Variants in DGKB observed in about 807,000 individuals in gnomAD.
DGKB encodes diacylglycerol kinase beta, also known as 90 kDa diacylglycerol kinase.
A neutral mutation model predicts 114.3 loss-of-function variants in DGKB; 67 were observed. The observed-to-expected ratio is 0.59, with a 90% CI of 0.48 to 0.72. The LOEUF (loss-of-function observed/expected upper bound fraction) is 0.72, where lower values mean the gene tolerates loss of function less well. Ranked by LOEUF, DGKB falls within the 30% of genes least tolerant of loss-of-function variation. DGKB has a pLI of 0.00. For synonymous variants in DGKB, 398 were observed against 323.1 expected (o/e 1.23, Z -2.49); for missense variants, 907 against 975.2 (o/e 0.93, Z 0.93).
chr7:14,391,094 G>A (rs138779653), intron 21 of DGKB, among the ~76,000 whole-genome samples: 8 of 152,232 alleles, frequency 5.3e-5, no homozygotes, highest in African/African-American at 1.2e-4. Flanking sequence ...AATTTGATAC[G>A]TTTGTTAACT....
intron 23 of DGKB, among the ~76,000 whole-genome samples, chr7:14,249,686 C>G (rs1489249728): frequency 6.6e-6 from 1 of 152,108 alleles, no homozygotes; most frequent in Admixed American, 6.5e-5. Flanking sequence ...GTTGTACTGT[C>G]TTTGCTTTCA....
intron 6 of DGKB, among the ~76,000 whole-genome samples, chr7:14,708,256 A>C (rs1485305195): frequency 2.3e-4 from 25 of 107,798 alleles, no homozygotes; most frequent in African/African-American, 9.8e-4. Context: ...CCACCTTACA[A>C]GGGATGTGAA....
chr7:14,364,914 T>A (rs1050526901), intron 21 of DGKB, among the ~76,000 whole-genome samples: 1 of 151,964 alleles, frequency 6.6e-6, no homozygotes, highest in African/African-American at 2.4e-5. Flanking sequence ...ACCAAAATTA[T>A]CATATAGAAG....
chr7:14,410,000 A>C (rs1412772097), intron 21 of DGKB, among the ~76,000 whole-genome samples: 1 of 152,044 alleles, frequency 6.6e-6, no homozygotes, highest in Admixed American at 6.6e-5. Context: ...ACAGGCTATT[A>C]ACAGTTAAAT....
intron 25 of DGKB, among the ~76,000 whole-genome samples, chr7:14,167,382 C>A (rs188858395): frequency 6.6e-6 from 1 of 151,964 alleles, no homozygotes; most frequent in Admixed American, 6.6e-5. Context: ...TCTCTCTATT[C>A]CTTTATCACA....
intron 9 of DGKB, among the ~76,000 whole-genome samples, chr7:14,687,470 C>T (rs929261780): frequency 3.3e-5 from 5 of 151,962 alleles, no homozygotes; most frequent in Non-Finnish European, 4.4e-5. Flanking sequence ...ATTTTGGTTT[C>T]GGTGAGTCAT....
At chr7:14,165,447 T>A (rs1033867736) in intron 25 of DGKB, among the ~76,000 whole-genome samples, 1 of 152,190 alleles carries the variant, frequency 6.6e-6, no homozygotes, top group Admixed American at 6.5e-5. Flanking sequence ...GAATTCTAGC[T>A]ATTTTTTAAT....
At chr7:14,872,372 A>C (rs977664806) in intron 1 of DGKB, among the ~76,000 whole-genome samples, 2 of 152,182 alleles carry the variant, frequency 1.3e-5, no homozygotes, top group South Asian at 2.1e-4. Context: ...CGCAGAGCAC[A>C]CTATAGGCAA....
chr7:14,687,291 C>T (rs1000473252), intron 9 of DGKB, among the ~76,000 whole-genome samples: 1 of 152,030 alleles, frequency 6.6e-6, no homozygotes, highest in Non-Finnish European at 1.5e-5. Context: ...AATTTTGGAC[C>T]CTTTACAATT....
At chr7:14,552,813 TC>T (rs1795291979) in intron 20 of DGKB, among the ~76,000 whole-genome samples, 1 of 152,232 alleles carries the variant, frequency 6.6e-6, no homozygotes, top group Non-Finnish European at 1.5e-5. Context: ...GTGTGGACTT[TC>T]TACCAACATG....
chr7:14,284,825 C>T (rs1292707426), intron 23 of DGKB, among the ~76,000 whole-genome samples: 1 of 135,928 alleles, frequency 7.4e-6, no homozygotes, highest in Non-Finnish European at 1.5e-5. Context: ...ATTGCATGGA[C>T]ACAGGAAGGG....
intron 23 of DGKB, among the ~76,000 whole-genome samples, chr7:14,183,068 C>T (rs17695940): frequency 0.091 from 13,840 of 152,092 alleles, 841 homozygotes; most frequent in Admixed American, 0.18. Flanking sequence ...ACTTATTGAG[C>T]CATTATTTGG....
chr7:14,535,868 A>G (rs1341036271), intron 20 of DGKB, among the ~76,000 whole-genome samples: 1 of 152,148 alleles, frequency 6.6e-6, no homozygotes, highest in Non-Finnish European at 1.5e-5. Flanking sequence ...TATAGGCATG[A>G]GCCACTGCAC....
At chr7:14,567,013 T>G (rs1474390890) in intron 20 of DGKB, among the ~76,000 whole-genome samples, 1 of 143,474 alleles carries the variant, frequency 7.0e-6, no homozygotes, top group African/African-American at 2.6e-5. Flanking sequence ...TTTTGCTTTT[T>G]AAAAATATCT....
At chr7:14,419,713 G>A (rs905728508) in intron 21 of DGKB, among the ~76,000 whole-genome samples, 2 of 151,750 alleles carry the variant, frequency 1.3e-5, no homozygotes, top group African/African-American at 2.4e-5. Context: ...ACAATCTTAC[G>A]AGACATAGAG....
chr7:14,663,282 T>A (rs1436350214), intron 13 of DGKB, among the ~76,000 whole-genome samples: 3 of 152,046 alleles, frequency 2.0e-5, no homozygotes, highest in Non-Finnish European at 4.4e-5. Context: ...ATACTTAACA[T>A]CAATTTTCTT....
rs1825208603 is a variant in DGKB at position 14,701,680 on chromosome 7, C to T, written c.516+1G>A. On this transcript the variant is annotated splice_donor_variant, in intron 7 of 25. Coordinates refer to ENST00000402815, the MANE Select transcript of DGKB (RefSeq NM_001350709.2). LOFTEE classifies it high-confidence loss of function. ...ACAGAAACTTTGAAGAAAAAAATTA[C>T]CGAGCTGTCCAGGAAGCCATTCCCA... The T allele has an allele frequency of 1.2e-6, 2 of 1,606,444 alleles. No individual in the cohort carries two copies. The highest frequency in any genetic ancestry group is 1.1e-5 in the South Asian group (1 of 90,626).
intron 23 of DGKB, among the ~76,000 whole-genome samples, chr7:14,305,390 C>T (rs572336173): frequency 6.6e-6 from 1 of 152,204 alleles, no homozygotes; most frequent in East Asian, 1.9e-4. Flanking sequence ...ATACGTCTTT[C>T]CGTGCCTTCT....
intron 25 of DGKB, among the ~76,000 whole-genome samples, chr7:14,152,477 T>TA (rs1444732970): frequency 6.6e-6 from 1 of 151,992 alleles, no homozygotes; most frequent in African/African-American, 2.4e-5. Flanking sequence ...ACATGCAAGG[T>TA]AAATTCTATC....
Sources: allele counts gnomAD v4.1 joint callset (sites outside exome capture counted in the v4.1 genomes callset), GRCh38; gene constraint gnomAD v4.1.1; transcripts MANE v1.5; gene names NCBI Gene and HGNC (gene_info 2026-07-23, HGNC 2026-07-21).